Variants in GLP2R observed in about 807,000 individuals in gnomAD.
GLP2R encodes glucagon like peptide 2 receptor.
In GLP2R, 59 loss-of-function variants were observed where a neutral mutation model predicts 68.2. The observed-to-expected ratio is 0.87, with a 90% CI of 0.70 to 1.07. The LOEUF (loss-of-function observed/expected upper bound fraction) is 1.07, where lower values mean the gene tolerates loss of function less well. Ranked by LOEUF, GLP2R falls within the 50% of genes least tolerant of loss-of-function variation. GLP2R has a pLI of 0.00. For synonymous variants in GLP2R, 270 were observed against 265.4 expected, an observed-to-expected ratio of 1.02 and a Z score of -0.17; for missense variants, 548 against 677.4, an observed-to-expected ratio of 0.81 and a Z score of 2.12.
chr17:9,866,253 T>G (rs780814649), intron 9 of GLP2R: 3 of 222,532 alleles, frequency 1.3e-5, no homozygotes, highest in African/African-American at 4.6e-5. Context: ...ATCTATGAAA[T>G]CAGTCTTGAA....
At chr17:9,860,804 C>T (rs1438775697) in intron 7 of GLP2R, among the ~76,000 whole-genome samples, 1 of 152,186 alleles carries the variant, frequency 6.6e-6, no homozygotes, top group Non-Finnish European at 1.5e-5. Flanking sequence ...CCCCTACCTC[C>T]ACAAACCCTT....
At chr17:9,869,687 C>T (rs546838746) in intron 9 of GLP2R, among the ~76,000 whole-genome samples, 1 of 152,252 alleles carries the variant, frequency 6.6e-6, no homozygotes, top group Admixed American at 6.5e-5. Context: ...GCTTGAGTGT[C>T]TTCACAAAAT....
At chr17:9,858,615 G>T (rs1484292906) in intron 6 of GLP2R, among the ~76,000 whole-genome samples, 2 of 152,262 alleles carry the variant, frequency 1.3e-5, no homozygotes, top group African/African-American at 4.8e-5. Flanking sequence ...GGACCCAGAG[G>T]TTTCTTTATT....
chr17:9,848,894 TGC>T (rs71139005), intron 4 of GLP2R, among the ~76,000 whole-genome samples: 27,562 of 149,226 alleles, frequency 0.18, 2,658 homozygotes, highest in Non-Finnish European at 0.22. Context: ...TGTGTGTGTG[TGC>T]GCTCACATAA....
chr17:9,873,315 G>A (rs772882568), intron 10 of GLP2R, among the ~76,000 whole-genome samples: 15 of 152,132 alleles, frequency 9.9e-5, no homozygotes, highest in Non-Finnish European at 1.5e-4. Flanking sequence ...CCTATCACGG[G>A]CCACTGGCAC....
At chr17:9,837,675 T>C (rs1489156640) in intron 3 of GLP2R, among the ~76,000 whole-genome samples, 20 of 152,182 alleles carry the variant, frequency 1.3e-4, no homozygotes, top group Admixed American at 1.0e-3. Flanking sequence ...CAGGATAATA[T>C]CCCATCCCTA....
At chr17:9,838,420 G>A (rs567926797) in intron 3 of GLP2R, among the ~76,000 whole-genome samples, 1 of 152,150 alleles carries the variant, frequency 6.6e-6, no homozygotes, top group Non-Finnish European at 1.5e-5. Flanking sequence ...GGAGCCCCTT[G>A]GATTCCTTCA....
At chr17:9,868,547 C>T in intron 9 of GLP2R, among the ~76,000 whole-genome samples, 1 of 152,186 alleles carries the variant, frequency 6.6e-6, no homozygotes, top group East Asian at 1.9e-4. Flanking sequence ...TGGAAAATGT[C>T]CTCACTCAGC....
At chr17:9,855,396 T>G (rs1478588629) in intron 5 of GLP2R, among the ~76,000 whole-genome samples, 2 of 152,214 alleles carry the variant, frequency 1.3e-5, no homozygotes, top group Admixed American at 1.3e-4. Flanking sequence ...CTTTACCTCC[T>G]TTGGATTAGA....
At chr17:9,878,971 A>C (rs1299461749) in intron 10 of GLP2R, among the ~76,000 whole-genome samples, 2 of 152,088 alleles carry the variant, frequency 1.3e-5, no homozygotes, top group African/African-American at 4.8e-5. Context: ...CCTCTTTCCC[A>C]ATGTGGGTAA....
At chr17:9,858,392 G>A (rs760586054) in intron 6 of GLP2R, among the ~76,000 whole-genome samples, 6 of 152,100 alleles carry the variant, frequency 3.9e-5, no homozygotes, top group Non-Finnish European at 8.8e-5. Context: ...TCTTTAGTTC[G>A]CTAATACTGT....
rs550806954 is a variant in GLP2R at position 9,834,027 on chromosome 17, G to C, written c.277+133G>C. The C allele has an allele frequency of 1.1e-5, 8 of 720,668 alleles. No homozygotes were observed. In the East Asian group the frequency reaches 2.1e-4, roughly 19 times the overall value. 44.6% of individuals were successfully genotyped at this position (720,668 alleles called of 1,614,324 possible). On this transcript the variant is annotated intron_variant, in intron 2 of 12. Coordinates refer to ENST00000262441, the MANE Select transcript of GLP2R (RefSeq NM_004246.3). ...AGGAATTCAGACAGGGCACACTGGG[G>C]ATGGCTTGTTTCCGCTCTGTAATGT... is the stretch of plus-strand genomic sequence containing the variant.
At chr17:9,830,374 A>G (rs1223616844) in intron 1 of GLP2R, among the ~76,000 whole-genome samples, 1 of 152,242 alleles carries the variant, frequency 6.6e-6, no homozygotes, top group African/African-American at 2.4e-5. Flanking sequence ...TTATTTGGTT[A>G]GCAACTCATC....
intron 4 of GLP2R, among the ~76,000 whole-genome samples, chr17:9,845,748 C>CGTGTGTGTGT (rs60266643): frequency 1.2e-4 from 18 of 148,352 alleles, no homozygotes; most frequent in Non-Finnish European, 2.1e-4. Context: ...TGTGTGTGTG[C>CGTGTGTGTGT]GTGTGTGTGT....
rs80060439 is a variant in GLP2R at position 9,856,124 on chromosome 17, C to T, written c.612-1299C>T. On this transcript the variant is annotated intron_variant, in intron 5 of 12. Transcript: ENST00000262441. ...TAGGGTAAAGTCATGACCATCTACCCCATTGGGAGAACCATGCTTGAGCTA... is the reference window on the plus strand; with the variant it reads ...TAGGGTAAAGTCATGACCATCTACCTCATTGGGAGAACCATGCTTGAGCTA... 5.8e-3 allele frequency among the ~76,000 whole-genome samples: 888 copies of T among 152,280 alleles called. 10 individuals carry two copies. The highest frequency in any genetic ancestry group is 0.02 in the African/African-American group (848 of 41,542).
Position 9,833,929 on chromosome 17 carries a change from A to G in GLP2R, c.277+35A>G, listed in dbSNP as rs766876267. On this transcript the variant is annotated intron_variant, in intron 2 of 12. Transcript: ENST00000262441. Reference sequence around the variant, plus strand: ...TGTATTAGTTATCCGTGGCTGTGTAACAAATTGCCCCAAAGCTTAGCGGCT... The same window carrying G: ...TGTATTAGTTATCCGTGGCTGTGTAGCAAATTGCCCCAAAGCTTAGCGGCT... The G allele has an allele frequency of 1.8e-5, 24 of 1,334,376 alleles. 1 individual carries two copies. Among genetic ancestry groups the G allele is most frequent in the Middle Eastern group, 3.6e-4 (2 of 5,562 alleles). The allele number at this position is 1,334,376 out of a possible 1,614,324, so 82.7% of individuals were successfully genotyped here.
At chr17:9,856,875 A>G (rs2066938070) in intron 5 of GLP2R, among the ~76,000 whole-genome samples, 1 of 152,172 alleles carries the variant, frequency 6.6e-6, no homozygotes, top group African/African-American at 2.4e-5. Flanking sequence ...TGCATATGTA[A>G]ATGATTTGGA....
At chr17:9,866,407 A>T (rs998444863) in intron 9 of GLP2R, 1 of 163,100 alleles carries the variant, frequency 6.1e-6, no homozygotes, top group African/African-American at 2.4e-5. Flanking sequence ...GAGGTCAGGG[A>T]TGCTGCTCAA....
chr17:9,872,065 T>C (rs1005423072), intron 10 of GLP2R, among the ~76,000 whole-genome samples: 1 of 152,210 alleles, frequency 6.6e-6, no homozygotes, highest in Non-Finnish European at 1.5e-5. Context: ...AGCAGGGCTC[T>C]GGAACGGGAG....
Sources: gnomAD v4.1 joint callset for allele counts (sites outside exome capture counted in the v4.1 genomes callset) on GRCh38, gnomAD v4.1.1 for gene constraint, MANE v1.5 for transcripts, NCBI Gene and HGNC (gene_info 2026-07-23, HGNC 2026-07-21) for gene names.